XPO1: variants seen among roughly 807,000 people sequenced by gnomAD.
The protein encoded by XPO1 is exportin-1.
XPO1 carries 5 observed loss-of-function variants against 133.3 expected under a neutral mutation model. That is an observed-to-expected ratio of 0.04 (90% CI 0.02 to 0.08). The LOEUF (loss-of-function observed/expected upper bound fraction) is 0.08. XPO1 is among the 10% of genes least tolerant of loss of function. The pLI is 1.00. For missense variants in XPO1, 506 were observed against 1,267.5 expected, an observed-to-expected ratio of 0.40 and a Z score of 9.12; for synonymous variants, 419 against 408.2, an observed-to-expected ratio of 1.03 and a Z score of -0.32.
At chr2:61,484,134 T>C in intron 20 of XPO1, 29 bp from the exon 21 acceptor site, 4 of 1,581,610 alleles carry the variant, frequency 2.5e-6, no homozygotes, top group African/African-American at 1.3e-5. Flanking sequence ...AACAAAATAA[T>C]GTTTCAGTGT....
intron 3 of XPO1, chr2:61,525,228 T>C (rs941672339): frequency 1.7e-5 from 17 of 979,904 alleles, no homozygotes; most frequent in South Asian, 4.7e-5. Context: ...ACAAAAACAA[T>C]TGATGAACAG....
intron 4 of XPO1, among the ~76,000 whole-genome samples, chr2:61,512,380 T>C (rs1478722171): frequency 1.3e-5 from 2 of 152,200 alleles, no homozygotes; most frequent in Non-Finnish European, 2.9e-5. Context: ...CTGAATTCCA[T>C]AGTCAACGAA....
At position 61,492,818 on chromosome 2, in the gene XPO1, A is replaced by G. The variant is rs748043183; in HGVS notation, c.1385-70T>C. On this transcript the variant is annotated intron_variant, in intron 13 of 24. Transcript: ENST00000401558. The surrounding 1 kb of genome is among the most constrained non-coding windows in gnomAD (Gnocchi z 5.6). ...TTTATTGATGAGTAACAATACATTTAGAAAATATTTAGAAACTACAAGTAC... is the reference window on the plus strand; with the variant it reads ...TTTATTGATGAGTAACAATACATTTGGAAAATATTTAGAAACTACAAGTAC... The G allele has an allele frequency of 1.3e-6, 2 of 1,564,594 alleles. No individual in the cohort carries two copies. The highest frequency in any genetic ancestry group is 3.8e-5 in the Admixed American group (2 of 52,064).
rs191173597 is a variant in XPO1 at position 61,495,191 on chromosome 2, C to T, written c.1047+264G>A. Among the ~76,000 whole-genome samples, 23 of 152,032 alleles carry T rather than the reference C, an allele frequency of 1.5e-4. No individual in the cohort carries two copies. In the East Asian group the frequency reaches 4.4e-3, roughly 29 times the overall value. On this transcript the variant is annotated intron_variant, in intron 11 of 24. Coordinates refer to ENST00000401558, the MANE Select transcript of XPO1 (RefSeq NM_003400.4). ...TAAAACTGAAATTTTAAAATAAGGT[C>T]TTTGAAATTTTAACCTTAGAAATGA...
chr2:61,535,495 G>T (rs975197899), intron 1 of XPO1, among the ~76,000 whole-genome samples: 1 of 151,970 alleles, frequency 6.6e-6, no homozygotes, highest in Non-Finnish European at 1.5e-5. Context: ...AGCTTGGCAG[G>T]GCGGAAAAAA....
At chr2:61,502,370 A>G (rs1463599132) in intron 4 of XPO1, 60 bp from the exon 5 acceptor site, 16 of 1,477,516 alleles carry the variant, frequency 1.1e-5, no homozygotes, top group African/African-American at 2.8e-5. Flanking sequence ...CATGCAAATA[A>G]ATTTTGAGAA....
chr2:61,501,594 G>C (rs1697522371), intron 6 of XPO1, among the ~76,000 whole-genome samples: 1 of 151,674 alleles, frequency 6.6e-6, no homozygotes, highest in Non-Finnish European at 1.5e-5. Flanking sequence ...GTGGTGGTAA[G>C]CACCCGTAAT....
chr2:61,478,349 G>T lies in XPO1; in HGVS notation c.*471C>A. Reference sequence around the variant, plus strand: ...CTAGACAAACGATTCAGTCCAAGAGGTGCTAACTTCAGACAATGCAGCACT... The same window carrying T: ...CTAGACAAACGATTCAGTCCAAGAGTTGCTAACTTCAGACAATGCAGCACT... On this transcript the variant is annotated 3_prime_UTR_variant, in exon 25 of 25. Transcript: ENST00000401558. 1 of 237,812 alleles carries T rather than the reference G, an allele frequency of 4.2e-6. No homozygotes were observed. Among genetic ancestry groups the T allele is most frequent in the East Asian group, 5.9e-5 (1 of 16,832 alleles). The allele number at this position is 237,812 out of a possible 1,614,324, so 14.7% of individuals were successfully genotyped here. A position where few individuals can be genotyped will look rare whatever the true frequency, so the allele number is the denominator to read the frequency against.
chr2:61,487,995 G>T (rs1232870174), intron 19 of XPO1, among the ~76,000 whole-genome samples, 170 bp downstream of exon 19: 1 of 151,976 alleles, frequency 6.6e-6, no homozygotes, highest in African/African-American at 2.4e-5. Context: ...TTTGAAGATG[G>T]AATACAGCTA....
intron 4 of XPO1, among the ~76,000 whole-genome samples, chr2:61,521,172 C>T (rs1021810704): frequency 7.9e-5 from 12 of 152,172 alleles, no homozygotes; most frequent in African/African-American, 2.7e-4. Context: ...GATATTGCCA[C>T]TGAATATACT....
intron 4 of XPO1, among the ~76,000 whole-genome samples, chr2:61,503,743 T>C (rs1697661451): frequency 6.6e-6 from 1 of 152,204 alleles, no homozygotes; most frequent in Admixed American, 6.5e-5. Context: ...ACTTTTTGTA[T>C]TTTTATAGAG....
chr2:61,526,378 G>T (rs1372571415), intron 3 of XPO1, 42 bp downstream of exon 3: 1 of 1,584,494 alleles, frequency 6.3e-7, no homozygotes. Flanking sequence ...TTTATGACTG[G>T]AAGAAAAGAA....
chr2:61,537,191 T>C (rs768118988), intron 1 of XPO1: 2 of 151,868 alleles, frequency 1.3e-5, no homozygotes, highest in Admixed American at 1.3e-4. Context: ...CCACTCCTAA[T>C]AATTTACAGA....
intron 24 of XPO1, among the ~76,000 whole-genome samples, chr2:61,480,946 G>A (rs1340931612): frequency 6.6e-6 from 1 of 152,098 alleles, no homozygotes; most frequent in East Asian, 1.9e-4. Context: ...TACCTAAAAT[G>A]AATTACATTA....
At position 61,522,696 on chromosome 2, in the gene XPO1, G is replaced by T. The variant is rs199640199; in HGVS notation, c.229-13C>A. On this transcript the variant is annotated splice_polypyrimidine_tract_variant and intron_variant, in intron 3 of 24. Transcript: ENST00000401558. ...GTAGTCCATAGTACTGAAAATTGGA[G>T]AATAGAAGCATGTGAATATATTGCT... is the stretch of plus-strand genomic sequence containing the variant. The T allele has an allele frequency of 5.0e-4, 803 of 1,596,106 alleles. 2 individuals are homozygous for T. In the African/African-American group the frequency reaches 9.1e-3, roughly 18 times the overall value.
chr2:61,532,440 T>C, intron 2 of XPO1, among the ~76,000 whole-genome samples: 1 of 151,972 alleles, frequency 6.6e-6, no homozygotes, highest in East Asian at 1.9e-4. Flanking sequence ...ACTCAGTTTC[T>C]TAATTATGCA....
intron 16 of XPO1, among the ~76,000 whole-genome samples, chr2:61,491,228 C>G (rs1010224723): frequency 6.6e-6 from 1 of 151,214 alleles, no homozygotes; most frequent in African/African-American, 2.4e-5. Flanking sequence ...TTTGGGAGGC[C>G]GAGGCGGGCG....
At chr2:61,513,706 G>GA (rs980615853) in intron 4 of XPO1, among the ~76,000 whole-genome samples, 28 of 150,604 alleles carry the variant, frequency 1.9e-4, no homozygotes, top group East Asian at 3.9e-4. Flanking sequence ...ACTATATAAA[G>GA]AAAAAAAAAT....
chr2:61,488,029 C>T (rs1696782381), intron 19 of XPO1, 136 bp downstream of exon 19: 5 of 729,586 alleles, frequency 6.9e-6, no homozygotes, highest in Non-Finnish European at 1.2e-5. Flanking sequence ...GTAAGGACTA[C>T]AATAAATAAA....
Sources: allele counts gnomAD v4.1 joint callset (sites outside exome capture counted in the v4.1 genomes callset), GRCh38; gene constraint gnomAD v4.1.1; non-coding constraint Gnocchi (gnomAD v3.1); transcripts MANE v1.5; gene names NCBI Gene and HGNC (gene_info 2026-07-23, HGNC 2026-07-21).